Variants in DIAPH2 observed in about 807,000 individuals in gnomAD.
DIAPH2 encodes protein diaphanous homolog 2.
DIAPH2 carries 35 observed loss-of-function variants against 92.7 expected under a neutral mutation model. That is an observed-to-expected ratio of 0.38 (90% CI 0.29 to 0.50). The LOEUF (loss-of-function observed/expected upper bound fraction) is 0.50. DIAPH2 is among the 20% of genes least tolerant of loss of function. The probability of loss-of-function intolerance (pLI) is 0.94; values close to 1 mark genes in which losing one functional copy is unlikely to be tolerated. For synonymous variants in DIAPH2, 301 were observed against 280.4 expected (o/e 1.07, Z -0.73); for missense variants, 701 against 819.5 (o/e 0.86, Z 1.77).
chrX:96,920,003 C>T (rs1362034439), intron 9 of DIAPH2, among the ~76,000 whole-genome samples: 4 of 109,844 alleles, frequency 3.6e-5, no homozygotes, highest in African/African-American at 1.3e-4. Context: ...GCCTCAGCCT[C>T]CCAAGTAGCT....
chrX:97,333,465 C>T (rs188745879), intron 23 of DIAPH2, among the ~76,000 whole-genome samples: 3 of 111,718 alleles, frequency 2.7e-5, no homozygotes, highest in African/African-American at 9.8e-5. Flanking sequence ...CTAAGAGTCA[C>T]CCAGGCTGTA....
intron 15 of DIAPH2, among the ~76,000 whole-genome samples, chrX:96,953,103 C>T (rs1017800616): frequency 9.0e-6 from 1 of 111,292 alleles, no homozygotes; most frequent in Non-Finnish European, 1.9e-5. Flanking sequence ...TGTGCAAGAG[C>T]GAGACTGTCT....
intron 5 of DIAPH2, chrX:96,885,507 C>T (rs2065255850): frequency 8.6e-6 from 1 of 116,353 alleles, no homozygotes; most frequent in South Asian, 3.7e-4. Context: ...ACTTATTTTC[C>T]GTGTTTGGAT....
At chrX:97,467,555 C>T (rs1394209071) in intron 26 of DIAPH2, among the ~76,000 whole-genome samples, 1 of 112,111 alleles carries the variant, frequency 8.9e-6, no homozygotes, top group Non-Finnish European at 1.9e-5. Flanking sequence ...TTTGTCTCAT[C>T]TTCCCTATTG....
rs867400789 is a variant in DIAPH2, at chrX:97,299,079, C to T, written c.2845-49037C>T. 1.1e-4 allele frequency among the ~76,000 whole-genome samples: 12 copies of T among 111,456 alleles called. No homozygotes were observed. The Middle Eastern group carries it at 0.027, about 254-fold the overall frequency. On this transcript the variant is annotated intron_variant, in intron 23 of 26. Coordinates refer to ENST00000324765, the MANE Select transcript of DIAPH2 (RefSeq NM_006729.5). ...TGTAATAAACTTTAAAAAATCTTTC[C>T]AGGCCAATTGAGCAGTCATTTCATT... is the stretch of plus-strand genomic sequence containing the variant.
At chrX:96,780,609 G>T (rs959101018) in intron 4 of DIAPH2, among the ~76,000 whole-genome samples, 2 of 109,688 alleles carry the variant, frequency 1.8e-5, no homozygotes, top group Non-Finnish European at 3.8e-5. Flanking sequence ...AGCCTCCCAA[G>T]TAACTGGGAC....
At position 96,939,596 on chromosome X, in the gene DIAPH2, G is replaced by A. The variant is rs759736613; in HGVS notation, c.1325+214G>A. 7.1e-3 allele frequency among the ~76,000 whole-genome samples: 264 copies of A among 37,098 alleles called. 4 individuals are homozygous for A. Among genetic ancestry groups the A allele is most frequent in the Middle Eastern group, 0.016 (1 of 64 alleles). 32.2% of individuals were successfully genotyped at this position (37,098 alleles called of 115,157 possible). A position where few individuals can be genotyped will look rare whatever the true frequency, so the allele number is the denominator to read the frequency against. On this transcript the variant is annotated intron_variant, in intron 12 of 26. Transcript: ENST00000324765. ...TGTGTGTGTGTATATGTGTGTGTGT[G>A]TATATACACACACACACACATATAC...
At chrX:97,535,871 A>G (rs1262559290) in intron 26 of DIAPH2, among the ~76,000 whole-genome samples, 2 of 112,629 alleles carry the variant, frequency 1.8e-5, no homozygotes, top group Non-Finnish European at 3.7e-5. Flanking sequence ...CAAGTACTAT[A>G]TGTTATAGAG....
intron 1 of DIAPH2, among the ~76,000 whole-genome samples, chrX:96,717,528 C>T (rs1332581857): frequency 1.0e-5 from 1 of 97,317 alleles, no homozygotes; most frequent in Non-Finnish European, 2.0e-5. Context: ...CTTTTTATAC[C>T]AGGTGATTTT....
chrX:97,450,095 T>G (rs768515390), intron 26 of DIAPH2, among the ~76,000 whole-genome samples: 47 of 111,292 alleles, frequency 4.2e-4, no homozygotes, highest in Admixed American at 9.6e-5. Context: ...AAAAAGACTT[T>G]TATGCGATTC....
At chrX:96,753,044 G>A (rs888400476) in intron 3 of DIAPH2, among the ~76,000 whole-genome samples, 5 of 111,692 alleles carry the variant, frequency 4.5e-5, no homozygotes, top group Admixed American at 3.8e-4. Context: ...ACACGGTAAT[G>A]TAGAAATGTC....
intron 26 of DIAPH2, among the ~76,000 whole-genome samples, chrX:97,471,690 C>CAAAAA (rs34891772): frequency 4.4e-5 from 2 of 44,954 alleles, no homozygotes; most frequent in Non-Finnish European, 7.5e-5. Context: ...AAATCCGTCT[C>CAAAAA]AAAAAAAAAA....
At chrX:97,321,677 G>C (rs936405795) in intron 23 of DIAPH2, among the ~76,000 whole-genome samples, 3 of 107,361 alleles carry the variant, frequency 2.8e-5, no homozygotes, top group Non-Finnish European at 3.8e-5. Context: ...AGCCTCCCGA[G>C]TAGCTGGGAC....
intron 21 of DIAPH2, among the ~76,000 whole-genome samples, chrX:97,130,318 A>G (rs1415735268): frequency 2.7e-5 from 3 of 112,204 alleles, no homozygotes; most frequent in African/African-American, 9.7e-5. Context: ...TCATAGCAGC[A>G]TTATTCATAG....
chrX:97,159,733 A>G (rs2067352487), intron 22 of DIAPH2, among the ~76,000 whole-genome samples: 1 of 112,386 alleles, frequency 8.9e-6, no homozygotes, highest in South Asian at 3.7e-4. Flanking sequence ...TTATAAAATT[A>G]ATTATTTTTC....
At chrX:97,396,301 T>C (rs908329116) in intron 25 of DIAPH2, among the ~76,000 whole-genome samples, 2 of 111,099 alleles carry the variant, frequency 1.8e-5, no homozygotes, top group Non-Finnish European at 3.8e-5. Flanking sequence ...CTCTAATGAC[T>C]TTTTTTTAAA....
rs772672564 is a variant in DIAPH2, at chrX:96,803,902, G to A, written c.447+45644G>A. Reference sequence around the variant, plus strand: ...AAAATACAAAAAATTAGCCGGGCACGGTGGCACGCGCCTGTAATCCCAGCT... The same window carrying A: ...AAAATACAAAAAATTAGCCGGGCACAGTGGCACGCGCCTGTAATCCCAGCT... On this transcript the variant is annotated intron_variant, in intron 4 of 26. Transcript: ENST00000324765. Among the ~76,000 whole-genome samples the A allele has an allele frequency of 5.0e-4, 56 of 111,283 alleles. 1 individual carries two copies. Among genetic ancestry groups the A allele is most frequent in the African/African-American group, 1.6e-3 (48 of 30,617 alleles).
intron 26 of DIAPH2, among the ~76,000 whole-genome samples, chrX:97,502,071 G>A (rs2070802189): frequency 8.9e-6 from 1 of 112,108 alleles, no homozygotes; most frequent in South Asian, 3.7e-4. Flanking sequence ...CCAAAGTGCT[G>A]GGATTACAAG....
chrX:97,315,291 G>A (rs2068830988), intron 23 of DIAPH2, among the ~76,000 whole-genome samples: 1 of 111,726 alleles, frequency 9.0e-6, no homozygotes, highest in Non-Finnish European at 1.9e-5. Flanking sequence ...CCTAGCCTTG[G>A]CAAGTGAGAC....
Sources: allele counts gnomAD v4.1 joint callset (sites outside exome capture counted in the v4.1 genomes callset), GRCh38; gene constraint gnomAD v4.1.1; transcripts MANE v1.5; gene names NCBI Gene and HGNC (gene_info 2026-07-23, HGNC 2026-07-21).